KLHL29: variants seen among roughly 807,000 people sequenced by gnomAD.
KLHL29 encodes kelch like family member 29.
In KLHL29, 21 loss-of-function variants were observed where a neutral mutation model predicts 80.4. The observed-to-expected ratio is 0.26, with a 90% confidence interval of 0.19 to 0.38. The LOEUF is 0.38. Among genes scored for constraint, KLHL29 ranks in the 10% least tolerant of loss-of-function variants. The probability of loss-of-function intolerance (pLI) is 1.00; values close to 1 mark genes in which losing one functional copy is unlikely to be tolerated. For synonymous variants in KLHL29, 511 were observed against 526.8 expected, an observed-to-expected ratio of 0.97 and a Z score of 0.41; for missense variants, 867 against 1,223.9, an observed-to-expected ratio of 0.71 and a Z score of 4.35.
Position 23,703,774 on chromosome 2 carries a change from G to C in KLHL29, c.2355G>C (p.Gly785=). ...ATGGCTTCGTTTTCATCCTGGGCGG[G>C]GCTTATGCCAGAGCTACCACCATCT... ...TLNGFVFILG[G]AYARATTIYD... is the part of the protein sequence containing the mutation. The change falls in exon 13 of 14, where the codon GGG becomes GGC. Residue 785 remains glycine (G), a synonymous_variant. Coordinates refer to ENST00000486442, the MANE Select transcript of KLHL29 (RefSeq NM_052920.2). 6.5e-7 allele frequency: 1 copy of C among 1,537,372 alleles called. No homozygotes were observed. Among genetic ancestry groups the C allele is most frequent in the Non-Finnish European group, 8.7e-7 (1 of 1,146,928 alleles).
intron 2 of KLHL29, among the ~76,000 whole-genome samples, chr2:23,541,218 T>A (rs1214798578): frequency 6.6e-6 from 1 of 152,348 alleles, no homozygotes; most frequent in East Asian, 1.9e-4. Context: ...AAATATTTGG[T>A]GTGTTAACGG....
rs1320083033 is a variant in KLHL29 at position 23,577,599 on chromosome 2, T to C, written c.285+15118T>C. 2.0e-5 allele frequency among the ~76,000 whole-genome samples: 3 copies of C among 151,562 alleles called. No individual in the cohort carries two copies. The East Asian group carries it at 5.8e-4, about 29-fold the overall frequency. ...CCTGTCTCTACTAAAAATACAAAAA[T>C]TAGCTGGGCGTGGTGTTGGGCACCT... On this transcript the variant is annotated intron_variant, in intron 3 of 13. Transcript: ENST00000486442.
In KLHL29 at chr2:23,503,080, T is replaced by C. The variant is rs1665500286; in HGVS notation, c.-46+27413T>C. On this transcript the variant is annotated intron_variant, in intron 2 of 13. Coordinates refer to ENST00000486442, the MANE Select transcript of KLHL29 (RefSeq NM_052920.2). This position sits in a 1 kb window ranked among gnomAD's most constrained non-coding sequence, Gnocchi z 4.0. ...TAACCTGAGAATAGATGTGTTTTGTTTGAATGTCGTAGTTGTGCCCTTTGT... is the reference window on the plus strand; with the variant it reads ...TAACCTGAGAATAGATGTGTTTTGTCTGAATGTCGTAGTTGTGCCCTTTGT... 6.6e-6 allele frequency among the ~76,000 whole-genome samples: 1 copy of C among 152,224 alleles called. No individual in the cohort carries two copies. Among genetic ancestry groups the C allele is most frequent in the Admixed American group, 6.5e-5 (1 of 15,294 alleles).
At chr2:23,571,842 A>G (rs1667723563) in intron 3 of KLHL29, among the ~76,000 whole-genome samples, 2 of 151,868 alleles carry the variant, frequency 1.3e-5, no homozygotes, top group Non-Finnish European at 2.9e-5. Flanking sequence ...GAGCCAATAC[A>G]TTTTCTAGTT....
At chr2:23,423,246 C>A (rs1407058409) in intron 1 of KLHL29, among the ~76,000 whole-genome samples, 2 of 152,338 alleles carry the variant, frequency 1.3e-5, no homozygotes, top group Middle Eastern at 3.4e-3. Flanking sequence ...TGTCCAGGGC[C>A]GGGCTCTGCA....
intron 3 of KLHL29, among the ~76,000 whole-genome samples, chr2:23,627,515 A>G (rs979586467): frequency 1.2e-4 from 18 of 152,120 alleles, no homozygotes; most frequent in Non-Finnish European, 1.8e-4. Context: ...TGAGACCCAC[A>G]CTCAGGCGCT....
intron 5 of KLHL29, among the ~76,000 whole-genome samples, chr2:23,678,412 A>C (rs1196167485): frequency 6.6e-6 from 1 of 151,922 alleles, no homozygotes; most frequent in African/African-American, 2.4e-5. Flanking sequence ...ACTTTCACTC[A>C]CTCTCCGGGG....
rs373748951 is a variant in KLHL29 at position 23,696,356 on chromosome 2, C to A, written c.1948C>A (p.Leu650Met). The A allele has an allele frequency of 3.9e-6, 6 of 1,551,510 alleles. No homozygotes were observed. In the African/African-American group the frequency reaches 8.2e-5, roughly 21 times the overall value. Residue 650 changes from leucine to methionine, a missense_variant, in exon 11 of 14, where the codon CTG (leucine) becomes ATG (methionine). Leu to Met is a conservative substitution (Grantham distance 15). Coordinates refer to ENST00000486442, the MANE Select transcript of KLHL29 (RefSeq NM_052920.2). This position sits in a 1 kb window ranked among gnomAD's most constrained non-coding sequence, Gnocchi z 5.5. Reference sequence around the variant, plus strand: ...AGGTGGGATGGAATCAGGGGTGACGCTGGCTGATGTCTGGTGCTACATGTC... The same window carrying A: ...AGGTGGGATGGAATCAGGGGTGACGATGGCTGATGTCTGGTGCTACATGTC... ...LSGGMESGVT[L>M]ADVWCYMSLL... is the part of the protein sequence containing the mutation.
intron 5 of KLHL29, among the ~76,000 whole-genome samples, chr2:23,674,089 C>T (rs1558434570): frequency 6.6e-6 from 1 of 152,324 alleles, no homozygotes; most frequent in South Asian, 2.1e-4. Context: ...CCATCCCCTC[C>T]TCGGTGCCAC....
Position 23,684,591 on chromosome 2 carries a change from T to C in KLHL29, c.1079+54T>C. Reference sequence around the variant, plus strand: ...TCTGTTCCTTTGTAGGACGCTTTTGTGTCGCTTTTCTCTTCCCCTCTCTTG... The same window carrying C: ...TCTGTTCCTTTGTAGGACGCTTTTGCGTCGCTTTTCTCTTCCCCTCTCTTG... On this transcript the variant is annotated intron_variant, in intron 6 of 13. Coordinates refer to ENST00000486442, the MANE Select transcript of KLHL29 (RefSeq NM_052920.2). The surrounding 1 kb of genome is among the most constrained non-coding windows in gnomAD (Gnocchi z 4.4). The C allele has an allele frequency of 6.8e-7, 1 of 1,468,268 alleles. No individual in the cohort carries two copies. Among genetic ancestry groups the C allele is most frequent in the East Asian group, 2.6e-5 (1 of 38,774 alleles). 91.0% of individuals were successfully genotyped at this position (1,468,268 alleles called of 1,614,324 possible).
chr2:23,595,897 C>T (rs1258290455), intron 3 of KLHL29, among the ~76,000 whole-genome samples: 1 of 152,206 alleles, frequency 6.6e-6, no homozygotes, highest in East Asian at 1.9e-4. Flanking sequence ...TTCCAGACAC[C>T]ATGACTCCCT....
intron 1 of KLHL29, among the ~76,000 whole-genome samples, chr2:23,465,098 C>T (rs575558373): frequency 2.0e-5 from 3 of 152,256 alleles, no homozygotes; most frequent in South Asian, 2.1e-4. Flanking sequence ...GATCCCATTA[C>T]GAACACATTT....
intron 3 of KLHL29, among the ~76,000 whole-genome samples, chr2:23,594,066 T>A (rs972323591): frequency 6.6e-6 from 1 of 152,196 alleles, no homozygotes; most frequent in Non-Finnish European, 1.5e-5. Context: ...GTTATGAGAC[T>A]GAAATGAAAG....
At chr2:23,441,567 T>A (rs1256380570) in intron 1 of KLHL29, among the ~76,000 whole-genome samples, 1 of 152,114 alleles carries the variant, frequency 6.6e-6, no homozygotes, top group Non-Finnish European at 1.5e-5. Context: ...TTGCTCAGAA[T>A]TCTGCAGTTT....
intron 5 of KLHL29, among the ~76,000 whole-genome samples, chr2:23,654,379 C>T (rs1241932158): frequency 6.6e-6 from 1 of 152,140 alleles, no homozygotes; most frequent in African/African-American, 2.4e-5. Flanking sequence ...TAGGAATTGC[C>T]ATGGTGATTC....
intron 2 of KLHL29, among the ~76,000 whole-genome samples, chr2:23,486,698 T>C (rs1260103699): frequency 6.6e-6 from 1 of 152,206 alleles, no homozygotes; most frequent in Admixed American, 6.5e-5. Context: ...GAATGAGGCT[T>C]GATGAGGGCG....
chr2:23,546,014 C>G (rs1413085604), intron 2 of KLHL29, among the ~76,000 whole-genome samples: 4 of 152,222 alleles, frequency 2.6e-5, no homozygotes, highest in Admixed American at 6.5e-5. Context: ...GCCTACAGAC[C>G]GGGTTGGGCT....
At chr2:23,612,707 A>C (rs1171650086) in intron 3 of KLHL29, among the ~76,000 whole-genome samples, 2 of 152,202 alleles carry the variant, frequency 1.3e-5, no homozygotes, top group Non-Finnish European at 2.9e-5. Context: ...ACACCATTGC[A>C]CTCCAGCCTG....
At chr2:23,391,327 G>T (rs1433115647) in intron 1 of KLHL29, among the ~76,000 whole-genome samples, 1 of 152,232 alleles carries the variant, frequency 6.6e-6, no homozygotes, top group Non-Finnish European at 1.5e-5. Flanking sequence ...TTGCTTCCAT[G>T]TTGTAGCTAC....
Sources: allele counts gnomAD v4.1 joint callset (sites outside exome capture counted in the v4.1 genomes callset), GRCh38; gene constraint gnomAD v4.1.1; non-coding constraint Gnocchi (gnomAD v3.1); transcripts MANE v1.5; gene names NCBI Gene and HGNC (gene_info 2026-07-23, HGNC 2026-07-21).